Variants in LGSN observed in about 807,000 individuals in gnomAD.
LGSN encodes lengsin, lens protein with glutamine synthetase domain.
In LGSN, 21 loss-of-function variants were observed where a neutral mutation model predicts 19.5. The observed-to-expected ratio is 1.07, with a 90% confidence interval of 0.76 to 1.55. The LOEUF is 1.55. LGSN is among the 40% of genes most tolerant of loss of function. LGSN has a pLI of 0.00. For synonymous variants in LGSN, 257 were observed against 215.6 expected, an observed-to-expected ratio of 1.19 and a Z score of -1.68; for missense variants, 673 against 608.5, an observed-to-expected ratio of 1.11 and a Z score of -1.12.
the LGSN span, chr6:63,480,276 A>T: frequency 4.6e-6 from 1 of 216,566 alleles, no homozygotes; most frequent in Non-Finnish European, 1.0e-5. Context: ...TTGTCCGGTA[A>T]TTTGTGTCAT....
chr6:63,310,824 C>T (rs1399147434), intron 1 of LGSN, among the ~76,000 whole-genome samples: 2 of 152,166 alleles, frequency 1.3e-5, no homozygotes, highest in Non-Finnish European at 2.9e-5. Flanking sequence ...AAAATGCTCA[C>T]AAAATTACCC....
chr6:63,503,371 G>A, the LGSN span, among the ~76,000 whole-genome samples: 1 of 152,340 alleles, frequency 6.6e-6, no homozygotes, highest in South Asian at 2.1e-4. Context: ...AGTAAGGCTA[G>A]AGAACCAGAC....
At chr6:63,389,371 T>C in the LGSN span, among the ~76,000 whole-genome samples, 3 of 152,254 alleles carry the variant, frequency 2.0e-5, no homozygotes, top group African/African-American at 2.4e-5. Context: ...CTTCTTGTGT[T>C]TCTATGTGTT....
chr6:63,423,635 A>G, the LGSN span, among the ~76,000 whole-genome samples: 1 of 151,562 alleles, frequency 6.6e-6, no homozygotes, highest in African/African-American at 2.4e-5. Context: ...AGAGTAAAAA[A>G]TAAAATAAAA....
upstream of LGSN, among the ~76,000 whole-genome samples, chr6:63,323,773 CTTT>C (rs150256951): frequency 8.7e-5 from 11 of 126,248 alleles, no homozygotes; most frequent in Non-Finnish European, 8.4e-5. Context: ...TTTTTGCATT[CTTT>C]TTTTTTTTTT....
At chr6:63,282,520 G>A (rs1275465573) in intron 3 of LGSN, among the ~76,000 whole-genome samples, 1 of 152,178 alleles carries the variant, frequency 6.6e-6, no homozygotes, top group African/African-American at 2.4e-5. Context: ...GTGGAAGGAA[G>A]CCAGACTATT....
At chr6:63,468,593 A>G in the LGSN span, among the ~76,000 whole-genome samples, 1 of 149,634 alleles carries the variant, frequency 6.7e-6, no homozygotes, top group Non-Finnish European at 1.5e-5. Context: ...ACACCTGCCT[A>G]ATTTTTGTAT....
At chr6:63,483,200 C>A in the LGSN span, among the ~76,000 whole-genome samples, 1 of 152,142 alleles carries the variant, frequency 6.6e-6, no homozygotes, top group Non-Finnish European at 1.5e-5. Flanking sequence ...AGAAAGGCAA[C>A]CCTTAGTTCA....
At chr6:63,412,417 AG>A in the LGSN span, among the ~76,000 whole-genome samples, 2 of 118,298 alleles carry the variant, frequency 1.7e-5, no homozygotes, top group African/African-American at 9.7e-5. Flanking sequence ...GAAAGAAAGA[AG>A]AAAGAAAGAA....
the LGSN span, among the ~76,000 whole-genome samples, chr6:63,351,566 C>A: frequency 6.6e-6 from 1 of 152,114 alleles, no homozygotes; most frequent in Non-Finnish European, 1.5e-5. Context: ...TCAAGTGATT[C>A]TTGTGCCTCA....
At chr6:63,497,385 C>A in the LGSN span, among the ~76,000 whole-genome samples, 2 of 152,056 alleles carry the variant, frequency 1.3e-5, no homozygotes, top group East Asian at 3.9e-4. Flanking sequence ...CCCGTCTCTA[C>A]TAACAATACA....
chr6:63,496,162 T>A, the LGSN span, among the ~76,000 whole-genome samples: 1 of 152,060 alleles, frequency 6.6e-6, no homozygotes, highest in African/African-American at 2.4e-5. Flanking sequence ...TTACCTCAGG[T>A]GATCTGCCCG....
At chr6:63,319,808 T>A in intron 1 of LGSN, 106 bp downstream of exon 1, 1 of 782,080 alleles carries the variant, frequency 1.3e-6, no homozygotes, top group Non-Finnish European at 2.2e-6. Context: ...ATAACAAGTA[T>A]AATTATGCTG....
chr6:63,517,810 G>T, the LGSN span, among the ~76,000 whole-genome samples: 3 of 152,132 alleles, frequency 2.0e-5, no homozygotes, highest in African/African-American at 7.2e-5. Context: ...TGTCAAAAAT[G>T]TCTCTACTAG....
the LGSN span, among the ~76,000 whole-genome samples, chr6:63,520,401 C>T: frequency 1.5e-4 from 23 of 151,944 alleles, no homozygotes; most frequent in East Asian, 1.9e-4. Flanking sequence ...CTGAGGCGGG[C>T]GGATCACTTG....
chr6:63,562,225 G>A, the LGSN span, among the ~76,000 whole-genome samples: 1 of 139,978 alleles, frequency 7.1e-6, no homozygotes, highest in African/African-American at 2.7e-5. Context: ...TTGAGACAGA[G>A]TTTTGCTCTT....
At chr6:63,317,676 A>G (rs948963987) in intron 1 of LGSN, among the ~76,000 whole-genome samples, 1 of 152,212 alleles carries the variant, frequency 6.6e-6, no homozygotes, top group South Asian at 2.1e-4. Context: ...AAGCTGGGGT[A>G]GGTAAATCTC....
At chr6:63,351,830 G>A in the LGSN span, among the ~76,000 whole-genome samples, 1 of 152,022 alleles carries the variant, frequency 6.6e-6, no homozygotes, top group African/African-American at 2.4e-5. Flanking sequence ...TGATTTACAT[G>A]GAGACTAATA....
chr6:63,514,790 T>TC, the LGSN span, among the ~76,000 whole-genome samples: 1 of 152,066 alleles, frequency 6.6e-6, no homozygotes, highest in Admixed American at 6.6e-5. Context: ...AGCCTCAACC[T>TC]CCTGGGCTCC....
Sources: allele counts gnomAD v4.1 joint callset (sites outside exome capture counted in the v4.1 genomes callset), GRCh38; gene constraint gnomAD v4.1.1; transcripts MANE v1.5; gene names NCBI Gene and HGNC (gene_info 2026-07-23, HGNC 2026-07-21).